Variants in BCAS3 observed in about 807,000 individuals in gnomAD.
The protein encoded by BCAS3 is BCAS3 microtubule associated cell migration factor.
Under a neutral mutation model 116.1 loss-of-function variants are expected in BCAS3, and 53 were observed. The ratio of observed to expected loss-of-function variants is 0.46; its 90% CI spans 0.37 to 0.57. The LOEUF is 0.57. BCAS3 is among the 20% of genes least tolerant of loss of function. BCAS3 has a pLI of 0.00. For synonymous variants in BCAS3, 391 were observed against 408.2 expected (o/e 0.96, Z 0.51); for missense variants, 917 against 1,165.4 (o/e 0.79, Z 3.10).
At chr17:60,844,222 G>A (rs2052279456) in intron 7 of BCAS3, among the ~76,000 whole-genome samples, 1 of 152,046 alleles carries the variant, frequency 6.6e-6, no homozygotes, top group African/African-American at 2.4e-5. Context: ...TGCCCGTCTC[G>A]GCCTCCCAAA....
At chr17:61,304,447 A>G (rs1336230672) in intron 22 of BCAS3, among the ~76,000 whole-genome samples, 1 of 152,172 alleles carries the variant, frequency 6.6e-6, no homozygotes, top group Non-Finnish European at 1.5e-5. Flanking sequence ...GTAGTTACCC[A>G]TATTAGTCAT....
At chr17:60,805,164 A>G (rs2048161152) in intron 6 of BCAS3, among the ~76,000 whole-genome samples, 1 of 152,050 alleles carries the variant, frequency 6.6e-6, no homozygotes, top group South Asian at 2.1e-4. Flanking sequence ...ATTTTTAAGT[A>G]GAAAATGTCT....
intron 14 of BCAS3, among the ~76,000 whole-genome samples, chr17:60,963,998 C>A (rs903445323): frequency 6.6e-6 from 1 of 152,180 alleles, no homozygotes; most frequent in South Asian, 2.1e-4. Flanking sequence ...GATTTGAATT[C>A]TTCCTTTCCA....
intron 7 of BCAS3, among the ~76,000 whole-genome samples, chr17:60,841,677 G>A (rs2051942305): frequency 6.6e-6 from 1 of 151,764 alleles, no homozygotes; most frequent in Non-Finnish European, 1.5e-5. Context: ...ATTGCGCATG[G>A]CCTATCTTCT....
intron 22 of BCAS3, among the ~76,000 whole-genome samples, chr17:61,298,394 T>C (rs2053130842): frequency 2.0e-5 from 3 of 152,126 alleles, no homozygotes; most frequent in Admixed American, 2.0e-4. Flanking sequence ...GCTCCCTAGC[T>C]AGCCTCATCT....
intron 14 of BCAS3, among the ~76,000 whole-genome samples, chr17:60,972,280 A>G (rs2062010467): frequency 6.6e-6 from 1 of 152,050 alleles, no homozygotes; most frequent in Admixed American, 6.6e-5. Flanking sequence ...ATTCCAGTGT[A>G]TTTTTCCTCC....
chr17:60,992,625 C>T (rs1022509760), intron 15 of BCAS3, among the ~76,000 whole-genome samples: 1 of 152,092 alleles, frequency 6.6e-6, no homozygotes, highest in African/African-American at 2.4e-5. Context: ...ACCTCAGGGA[C>T]ATGCAGTTTA....
intron 7 of BCAS3, among the ~76,000 whole-genome samples, chr17:60,831,365 C>A (rs543442030): frequency 6.6e-6 from 1 of 151,560 alleles, no homozygotes; most frequent in Non-Finnish European, 1.5e-5. Flanking sequence ...TTAGTAGAGA[C>A]AGGATTTCAC....
At chr17:60,931,159 T>C (rs1428200254) in intron 13 of BCAS3, among the ~76,000 whole-genome samples, 1 of 152,196 alleles carries the variant, frequency 6.6e-6, no homozygotes, top group Non-Finnish European at 1.5e-5. Context: ...AAGTACCAGA[T>C]TGATCCCCAT....
At chr17:61,101,581 A>G (rs756878894) in intron 22 of BCAS3, among the ~76,000 whole-genome samples, 14 of 152,150 alleles carry the variant, frequency 9.2e-5, no homozygotes, top group Admixed American at 6.5e-5. Context: ...TTGATCTTCA[A>G]TCATGGAATA....
intron 16 of BCAS3, among the ~76,000 whole-genome samples, chr17:61,027,663 T>C (rs968611922): frequency 1.3e-5 from 2 of 152,008 alleles, no homozygotes; most frequent in African/African-American, 4.8e-5. Context: ...ACTGCCTGGG[T>C]CTTAGATCCC....
chr17:60,929,642 A>G (rs949784707), intron 13 of BCAS3, among the ~76,000 whole-genome samples: 1 of 151,424 alleles, frequency 6.6e-6, no homozygotes, highest in Admixed American at 6.6e-5. Flanking sequence ...ATATGTATAC[A>G]TGTGCCATGC....
chr17:61,098,932 G>A lies in BCAS3; in HGVS notation c.2425+14368G>A, dbSNP rs1224859588. Among the ~76,000 whole-genome samples, 3 of 152,030 alleles carry A rather than the reference G, an allele frequency of 2.0e-5. No homozygotes were observed. The highest frequency in any genetic ancestry group is 7.3e-5 in the African/African-American group (3 of 41,364). On this transcript the variant is annotated intron_variant, in intron 22 of 23. Coordinates refer to ENST00000407086, the MANE Select transcript of BCAS3 (RefSeq NM_017679.5). This position sits in a 1 kb window ranked among gnomAD's most constrained non-coding sequence, Gnocchi z 4.2. The stretch of plus-strand genomic sequence containing the variant: ...CAGGTCAGGAGATCGAGATCATCCT[G>A]GCTAACACGGTGAAACCCCATCTCT...
intron 20 of BCAS3, among the ~76,000 whole-genome samples, chr17:61,076,521 G>C (rs1363404311): frequency 6.6e-6 from 1 of 152,206 alleles, no homozygotes. Flanking sequence ...AACCCCAAAT[G>C]TGTGTTTTTT....
chr17:61,000,276 A>G (rs2064147589), intron 15 of BCAS3, among the ~76,000 whole-genome samples: 1 of 152,118 alleles, frequency 6.6e-6, no homozygotes, highest in South Asian at 2.1e-4. Flanking sequence ...AGTTTGTTGT[A>G]GATGACTCTT....
At chr17:60,710,430 C>CG (rs2037718489) in intron 5 of BCAS3, among the ~76,000 whole-genome samples, 2 of 149,072 alleles carry the variant, frequency 1.3e-5, no homozygotes, top group East Asian at 3.9e-4. Flanking sequence ...AATTCTTTAA[C>CG]ATTTTTTTTT....
At chr17:61,072,708 G>A (rs964071587) in intron 19 of BCAS3, among the ~76,000 whole-genome samples, 6 of 147,126 alleles carry the variant, frequency 4.1e-5, no homozygotes, top group African/African-American at 1.5e-4. Context: ...GAAAGGAAAA[G>A]CCCACAGTAA....
chr17:60,778,108 A>G (rs749020279), intron 6 of BCAS3, among the ~76,000 whole-genome samples: 1 of 151,502 alleles, frequency 6.6e-6, no homozygotes, highest in African/African-American at 2.4e-5. Context: ...ATGATTTTCA[A>G]GTATTTTCAT....
In BCAS3 at chr17:61,130,107, T is replaced by C. The variant is rs976364417; in HGVS notation, c.2425+45543T>C. On this transcript the variant is annotated intron_variant, in intron 22 of 23. Transcript: ENST00000407086. The surrounding 1 kb of genome is among the most constrained non-coding windows in gnomAD (Gnocchi z 5.0). ...ATAGAGCATATGGATGATGCTCTAA[T>C]GACATCTGTCCAGTTGTTGTAATCA... 3.3e-5 allele frequency among the ~76,000 whole-genome samples: 5 copies of C among 152,226 alleles called. No homozygotes were observed. Among genetic ancestry groups the C allele is most frequent in the Non-Finnish European group, 5.9e-5 (4 of 68,038 alleles).
Sources: allele counts gnomAD v4.1 joint callset (sites outside exome capture counted in the v4.1 genomes callset), GRCh38; gene constraint gnomAD v4.1.1; non-coding constraint Gnocchi (gnomAD v3.1); transcripts MANE v1.5; gene names NCBI Gene and HGNC (gene_info 2026-07-23, HGNC 2026-07-21).